Variants in RALYL observed in about 807,000 individuals in gnomAD.
RALYL encodes RALY RNA binding protein like.
RALYL carries 29 observed loss-of-function variants against 35.1 expected under a neutral mutation model. That is an observed-to-expected ratio of 0.83 (90% CI 0.61 to 1.13). The LOEUF is 1.13. Ranked by LOEUF, RALYL falls within the 50% of genes most tolerant of loss-of-function variation. RALYL has a pLI of 0.00. For missense variants in RALYL, 359 were observed against 360.4 expected (o/e 1.00, Z 0.03); for synonymous variants, 120 against 127.6 (o/e 0.94, Z 0.40).
Position 84,384,276 on chromosome 8 carries a change from G to A in RALYL, c.-23-145023G>A, listed in dbSNP as rs1049514096. Among the ~76,000 whole-genome samples, 11 of 151,716 alleles carry A rather than the reference G, an allele frequency of 7.3e-5. No homozygotes were observed. The South Asian group carries it at 8.3e-4, about 11-fold the overall frequency. ...ATCAGAAGAAATGATGGGTATGAAA[G>A]CACTTTGAAAACGAAAATCCTTTAC... On this transcript the variant is annotated intron_variant, in intron 1 of 8. Transcript: ENST00000521268.
chr8:84,771,600 A>G (rs1815545820), intron 2 of RALYL, among the ~76,000 whole-genome samples: 1 of 152,072 alleles, frequency 6.6e-6, no homozygotes, highest in African/African-American at 2.4e-5. Context: ...TTTTATTTGT[A>G]TCTCATGATG....
At chr8:84,681,853 C>T (rs934120887) in intron 2 of RALYL, among the ~76,000 whole-genome samples, 2 of 152,152 alleles carry the variant, frequency 1.3e-5, no homozygotes, top group East Asian at 3.8e-4. Context: ...CCTGATTGCC[C>T]TGGCCAGAAC....
At chr8:84,217,795 A>G (rs1328345412) in intron 1 of RALYL, among the ~76,000 whole-genome samples, 2 of 152,126 alleles carry the variant, frequency 1.3e-5, no homozygotes, top group Non-Finnish European at 1.5e-5. Flanking sequence ...CTAGGCTGTA[A>G]AATGATGATT....
intron 2 of RALYL, among the ~76,000 whole-genome samples, chr8:84,756,837 A>G (rs1368879888): frequency 6.6e-6 from 1 of 152,000 alleles, no homozygotes; most frequent in Admixed American, 6.6e-5. Flanking sequence ...TCTTTACATA[A>G]TGGAAGCATA....
chr8:84,820,139 G>A (rs1260216026), intron 4 of RALYL, among the ~76,000 whole-genome samples: 1 of 152,112 alleles, frequency 6.6e-6, no homozygotes, highest in African/African-American at 2.4e-5. Context: ...AAGATAAAAT[G>A]TTGTTAAAAT....
At chr8:84,545,388 T>C (rs932295438) in intron 2 of RALYL, among the ~76,000 whole-genome samples, 1 of 152,186 alleles carries the variant, frequency 6.6e-6, no homozygotes, top group African/African-American at 2.4e-5. Flanking sequence ...CTTTCAAAAC[T>C]GTCCTCTCTG....
chr8:84,574,620 C>T (rs1441952164), intron 2 of RALYL, among the ~76,000 whole-genome samples: 1 of 152,028 alleles, frequency 6.6e-6, no homozygotes, highest in East Asian at 1.9e-4. Flanking sequence ...TGGATGATAT[C>T]ATAGGACATA....
At chr8:84,442,155 G>T (rs953052520) in intron 1 of RALYL, among the ~76,000 whole-genome samples, 4 of 151,746 alleles carry the variant, frequency 2.6e-5, no homozygotes. Context: ...TCTCCTATGT[G>T]GTTTTCCTTT....
At position 84,304,318 on chromosome 8, in the gene RALYL, C is replaced by T. The variant is rs573729281; in HGVS notation, c.-24+119894C>T. On this transcript the variant is annotated intron_variant, in intron 1 of 8. Transcript: ENST00000521268. ...ATTTTTAGTAGAGATGAGGTTTCAC[C>T]GTGTTAGTCAGGGTGGTCTCGATCT... is the stretch of plus-strand genomic sequence containing the variant. Among the ~76,000 whole-genome samples, 15 of 152,126 alleles carry T rather than the reference C, an allele frequency of 9.9e-5. No individual in the cohort carries two copies. The East Asian group carries it at 1.4e-3, about 14-fold the overall frequency.
At chr8:84,333,064 G>T (rs914775145) in intron 1 of RALYL, among the ~76,000 whole-genome samples, 1 of 152,110 alleles carries the variant, frequency 6.6e-6, no homozygotes, top group Non-Finnish European at 1.5e-5. Flanking sequence ...AGTCATGATA[G>T]CTACTTTAGA....
At chr8:84,876,863 A>AAAAT (rs1261231127) in intron 7 of RALYL, among the ~76,000 whole-genome samples, 1 of 152,182 alleles carries the variant, frequency 6.6e-6, no homozygotes, top group African/African-American at 2.4e-5. Flanking sequence ...GAAGTTTTCA[A>AAAAT]AAATAAATTA....
intron 8 of RALYL, among the ~76,000 whole-genome samples, chr8:84,918,373 C>G (rs973673046): frequency 1.3e-5 from 2 of 151,950 alleles, no homozygotes; most frequent in Non-Finnish European, 2.9e-5. Flanking sequence ...TCATCTTTGT[C>G]AAGTAGAAGT....
intron 1 of RALYL, among the ~76,000 whole-genome samples, chr8:84,289,570 AT>A (rs1458073981): frequency 6.6e-6 from 1 of 152,130 alleles, no homozygotes; most frequent in Non-Finnish European, 1.5e-5. Flanking sequence ...CTAGTAGAGT[AT>A]GAGGATTTCC....
At chr8:84,534,276 C>G (rs192716513) in intron 2 of RALYL, among the ~76,000 whole-genome samples, 2 of 152,230 alleles carry the variant, frequency 1.3e-5, no homozygotes, top group Non-Finnish European at 2.9e-5. Flanking sequence ...TCTGCACCAC[C>G]TCACCCTACT....
At chr8:84,423,861 A>C (rs973569284) in intron 1 of RALYL, among the ~76,000 whole-genome samples, 2 of 151,446 alleles carry the variant, frequency 1.3e-5, no homozygotes, top group Non-Finnish European at 1.5e-5. Context: ...TTTCTTTAAG[A>C]ATGTTGAATA....
At chr8:84,446,773 G>T (rs1474361780) in intron 1 of RALYL, among the ~76,000 whole-genome samples, 1 of 152,034 alleles carries the variant, frequency 6.6e-6, no homozygotes, top group Non-Finnish European at 1.5e-5. Flanking sequence ...TTCAGGAGCT[G>T]AGGGGGTGCC....
chr8:84,597,954 G>A (rs749056037), intron 2 of RALYL, among the ~76,000 whole-genome samples: 6 of 152,022 alleles, frequency 3.9e-5, no homozygotes, highest in East Asian at 1.9e-4. Flanking sequence ...ATCATTTCTC[G>A]AATCAAAATA....
At chr8:84,570,815 G>A (rs1389434760) in intron 2 of RALYL, among the ~76,000 whole-genome samples, 2 of 151,640 alleles carry the variant, frequency 1.3e-5, no homozygotes, top group Non-Finnish European at 2.9e-5. Context: ...GATTTTATTG[G>A]ATGCTTCTTC....
chr8:84,197,784 A>G (rs1338157527), intron 1 of RALYL, among the ~76,000 whole-genome samples: 1 of 151,950 alleles, frequency 6.6e-6, no homozygotes, highest in Admixed American at 6.6e-5. Flanking sequence ...AAAAAAAAAA[A>G]AAGACAAAAA....
Sources: gnomAD v4.1 joint callset for allele counts (sites outside exome capture counted in the v4.1 genomes callset) on GRCh38, gnomAD v4.1.1 for gene constraint, MANE v1.5 for transcripts, NCBI Gene and HGNC (gene_info 2026-07-23, HGNC 2026-07-21) for gene names.